XKR4: variants seen among roughly 807,000 people sequenced by gnomAD.
The protein encoded by XKR4 is XK-related protein 4.
XKR4 carries 12 observed loss-of-function variants against 53.9 expected under a neutral mutation model. The observed-to-expected ratio is 0.22, with a 90% confidence interval of 0.14 to 0.36. The LOEUF (loss-of-function observed/expected upper bound fraction) is 0.36. Among genes scored for constraint, XKR4 ranks in the 10% least tolerant of loss-of-function variants. XKR4 has a pLI of 1.00. For missense variants in XKR4, 799 were observed against 859.5 expected (o/e 0.93, Z 0.88); for synonymous variants, 354 against 362.4 (o/e 0.98, Z 0.26).
chr8:55,491,860 G>C (rs150604155), intron 2 of XKR4, among the ~76,000 whole-genome samples: 1 of 152,108 alleles, frequency 6.6e-6, no homozygotes, highest in African/African-American at 2.4e-5. Context: ...GAATTGTTCC[G>C]TTTACAACTC....
At chr8:55,233,906 T>A (rs1288625206) in intron 1 of XKR4, among the ~76,000 whole-genome samples, 2 of 152,232 alleles carry the variant, frequency 1.3e-5, no homozygotes, top group Non-Finnish European at 1.5e-5. Context: ...ATTACATTTA[T>A]GGACTTAGAG....
chr8:55,244,917 T>G (rs1818263374), intron 1 of XKR4, among the ~76,000 whole-genome samples: 1 of 120,208 alleles, frequency 8.3e-6, no homozygotes, highest in African/African-American at 2.8e-5. Flanking sequence ...TTTTTTTTTT[T>G]TGAGATAGAG....
intron 1 of XKR4, among the ~76,000 whole-genome samples, chr8:55,333,051 G>A (rs973120358): frequency 6.6e-6 from 1 of 151,016 alleles, no homozygotes; most frequent in South Asian, 2.1e-4. Context: ...ATATTTTTTA[G>A]CTCCAGGATT....
intron 2 of XKR4, among the ~76,000 whole-genome samples, chr8:55,466,538 T>C (rs1461618686): frequency 6.6e-6 from 1 of 152,038 alleles, no homozygotes; most frequent in African/African-American, 2.4e-5. Flanking sequence ...TAATGCTAAA[T>C]GACAAGTTAA....
At chr8:55,192,879 G>T (rs2129361188) in intron 1 of XKR4, among the ~76,000 whole-genome samples, 1 of 152,258 alleles carries the variant, frequency 6.6e-6, no homozygotes, top group Admixed American at 6.5e-5. Flanking sequence ...GGCTGTGGGG[G>T]CTTTCCATCC....
At chr8:55,155,226 C>A (rs530907846) in intron 1 of XKR4, among the ~76,000 whole-genome samples, 1 of 152,270 alleles carries the variant, frequency 6.6e-6, no homozygotes, top group African/African-American at 2.4e-5. Context: ...ATTGCTGCTC[C>A]CAGACAGCTG....
At chr8:55,427,440 G>A (rs1332642157) in intron 2 of XKR4, among the ~76,000 whole-genome samples, 1 of 152,052 alleles carries the variant, frequency 6.6e-6, no homozygotes, top group African/African-American at 2.4e-5. Flanking sequence ...CAAACACCTG[G>A]CCTCAAGCAA....
chr8:55,540,405 G>A lies in XKR4; in HGVS notation c.*16178G>A, dbSNP rs1390367894. 1.3e-5 allele frequency: 2 copies of A among 152,048 alleles called. No individual in the cohort carries two copies. Among genetic ancestry groups the A allele is most frequent in the Admixed American group, 6.5e-5 (1 of 15,270 alleles). 9.4% of individuals were successfully genotyped at this position (152,048 alleles called of 1,614,324 possible). On this transcript the variant is annotated 3_prime_UTR_variant, in exon 3 of 3. Coordinates refer to ENST00000327381, the MANE Select transcript of XKR4 (RefSeq NM_052898.2). The stretch of plus-strand genomic sequence containing the variant: ...CACAAAATTCCTTTTATATCTAGAT[G>A]GTATCAAATAAGAAAAAAATGCATC...
At chr8:55,378,160 G>A (rs1227237290) in intron 2 of XKR4, among the ~76,000 whole-genome samples, 1 of 152,206 alleles carries the variant, frequency 6.6e-6, no homozygotes, top group Non-Finnish European at 1.5e-5. Flanking sequence ...ATTAACATGT[G>A]TAGAATATGA....
At chr8:55,454,646 A>C (rs1805528265) in intron 2 of XKR4, 1 of 1,061,062 alleles carries the variant, frequency 9.4e-7, no homozygotes, top group African/African-American at 1.5e-5. Flanking sequence ...GGCACGGTGC[A>C]CGTCAGCAGG....
At chr8:55,285,031 TC>T (rs1818890610) in intron 1 of XKR4, among the ~76,000 whole-genome samples, 2 of 152,218 alleles carry the variant, frequency 1.3e-5, no homozygotes, top group Non-Finnish European at 2.9e-5. Context: ...GTCAGATTGA[TC>T]CTGTTAAAAA....
intron 1 of XKR4, among the ~76,000 whole-genome samples, chr8:55,208,317 A>T (rs779490096): frequency 3.9e-5 from 6 of 152,178 alleles, no homozygotes; most frequent in Non-Finnish European, 8.8e-5. Context: ...AGTAGCAGAG[A>T]TATGATGAAA....
intron 2 of XKR4, among the ~76,000 whole-genome samples, chr8:55,520,478 C>CT (rs1806782563): frequency 6.6e-6 from 1 of 152,152 alleles, no homozygotes. Flanking sequence ...CCCAGCTACT[C>CT]AGGAGGCTGG....
intron 2 of XKR4, among the ~76,000 whole-genome samples, chr8:55,457,405 G>A (rs1805586942): frequency 6.6e-6 from 1 of 152,200 alleles, no homozygotes; most frequent in Admixed American, 6.5e-5. Context: ...GCCTCCCAAA[G>A]TGCTGGGATT....
intron 1 of XKR4, among the ~76,000 whole-genome samples, chr8:55,245,985 C>T (rs1038165154): frequency 5.3e-5 from 8 of 152,102 alleles, no homozygotes; most frequent in Non-Finnish European, 8.8e-5. Context: ...GCCTGTAATC[C>T]CAGCTATTCA....
At chr8:55,467,352 T>G (rs954240763) in intron 2 of XKR4, among the ~76,000 whole-genome samples, 12 of 152,260 alleles carry the variant, frequency 7.9e-5, no homozygotes, top group Admixed American at 5.9e-4. Context: ...GTCAAATGAT[T>G]AGGCACTTTC....
intron 2 of XKR4, among the ~76,000 whole-genome samples, chr8:55,444,284 G>T (rs1805313830): frequency 6.6e-6 from 1 of 152,212 alleles, no homozygotes; most frequent in Non-Finnish European, 1.5e-5. Context: ...AAACCATTAA[G>T]AGAAAGTATA....
chr8:55,105,717 G>A (rs958605446), intron 1 of XKR4, among the ~76,000 whole-genome samples: 7 of 152,252 alleles, frequency 4.6e-5, no homozygotes, highest in South Asian at 4.1e-4. Flanking sequence ...TGGTGAAAGC[G>A]TGATCTAAGA....
In XKR4 at chr8:55,330,769, T is replaced by C. The variant is rs536605188; in HGVS notation, c.807-26909T>C. Among the ~76,000 whole-genome samples, 44 of 152,258 alleles carry C rather than the reference T, an allele frequency of 2.9e-4. 1 individual carries two copies. In the South Asian group the frequency reaches 8.1e-3, roughly 28 times the overall value. On this transcript the variant is annotated intron_variant, in intron 1 of 2. Coordinates refer to ENST00000327381, the MANE Select transcript of XKR4 (RefSeq NM_052898.2). ...CCTCCCCAGAAGTCGTGAGTGTTCA[T>C]GGCATGAAGTACTTCTTCCCTCAGA... is the stretch of plus-strand genomic sequence containing the variant.
Sources: allele counts gnomAD v4.1 joint callset (sites outside exome capture counted in the v4.1 genomes callset), GRCh38; gene constraint gnomAD v4.1.1; transcripts MANE v1.5; gene names NCBI Gene and HGNC (gene_info 2026-07-23, HGNC 2026-07-21).